GLDN: variants seen among roughly 807,000 people sequenced by gnomAD.
GLDN encodes gliomedin.
GLDN carries 47 observed loss-of-function variants against 56.5 expected under a neutral mutation model. The observed-to-expected ratio is 0.83, with a 90% CI of 0.66 to 1.06. The LOEUF (loss-of-function observed/expected upper bound fraction) is 1.06, where lower values mean the gene tolerates loss of function less well. Among genes scored for constraint, GLDN ranks in the 50% least tolerant of loss-of-function variants. GLDN has a pLI of 0.00. For missense variants in GLDN, 782 were observed against 714.3 expected (o/e 1.09, Z -1.08); for synonymous variants, 332 against 278.8 (o/e 1.19, Z -1.90).
At chr15:51,361,199 C>T (rs2037293849) in intron 1 of GLDN, among the ~76,000 whole-genome samples, 1 of 152,134 alleles carries the variant, frequency 6.6e-6, no homozygotes, top group African/African-American at 2.4e-5. Flanking sequence ...AACACTCATC[C>T]CTTCCTACCC....
intron 1 of GLDN, among the ~76,000 whole-genome samples, chr15:51,349,896 T>C (rs914434844): frequency 2.6e-5 from 4 of 152,066 alleles, no homozygotes; most frequent in Non-Finnish European, 4.4e-5. Context: ...CTTGCCACCA[T>C]GCCCAGCTAA....
At chr15:51,349,997 C>T (rs573271158) in intron 1 of GLDN, among the ~76,000 whole-genome samples, 1 of 152,292 alleles carries the variant, frequency 6.6e-6, no homozygotes, top group East Asian at 1.9e-4. Flanking sequence ...CCCGCCTCAG[C>T]CTCCCAAAGT....
At chr15:51,397,443 T>C in intron 5 of GLDN, 27 bp from the exon 6 acceptor site, 2 of 1,283,830 alleles carry the variant, frequency 1.6e-6, no homozygotes, top group Admixed American at 3.0e-5. Context: ...TGCCTCCTTC[T>C]CTCCCTTTCT....
Position 51,341,729 on chromosome 15 carries a change from C to T in GLDN, c.45C>T (p.Gly15=). The part of the protein sequence containing the change: ...AEGGRGDAGW[G]LRGALAAVAL... Reference sequence around the variant, plus strand: ...GAGGCCGTGGGGACGCGGGTTGGGGCCTGCGTGGCGCCCTGGCGGCCGTGG... The same window carrying T: ...GAGGCCGTGGGGACGCGGGTTGGGGTCTGCGTGGCGCCCTGGCGGCCGTGG... The change falls in exon 1 of 10, where the codon GGC becomes GGT. Residue 15 remains glycine (G), a synonymous_variant. Coordinates refer to ENST00000335449, the MANE Select transcript of GLDN (RefSeq NM_181789.4). The T allele has an allele frequency of 6.9e-7, 1 of 1,452,246 alleles. No individual in the cohort carries two copies. The highest frequency in any genetic ancestry group is 9.0e-7 in the Non-Finnish European group (1 of 1,115,498). 90.0% of individuals were successfully genotyped at this position (1,452,246 alleles called of 1,614,324 possible).
intron 1 of GLDN, among the ~76,000 whole-genome samples, chr15:51,369,659 G>A (rs1017915542): frequency 3.9e-5 from 6 of 152,212 alleles, no homozygotes; most frequent in African/African-American, 1.4e-4. Flanking sequence ...ATTCTGATGA[G>A]AAAGACATGC....
intron 4 of GLDN, among the ~76,000 whole-genome samples, chr15:51,391,329 A>G (rs2038015876): frequency 6.6e-6 from 1 of 152,206 alleles, no homozygotes; most frequent in African/African-American, 2.4e-5. Flanking sequence ...GAAAGAAAAG[A>G]AAGGAAGGGG....
At chr15:51,361,908 G>A (rs2037307906) in intron 1 of GLDN, among the ~76,000 whole-genome samples, 1 of 152,134 alleles carries the variant, frequency 6.6e-6, no homozygotes, top group Admixed American at 6.5e-5. Flanking sequence ...TCCAGCCTGG[G>A]CAACAGAGCA....
chr15:51,341,780 G>A lies in GLDN; in HGVS notation c.96G>A (p.Ala32=). 3 of 1,499,270 alleles carry A rather than the reference G, an allele frequency of 2.0e-6. No individual in the cohort carries two copies. Among genetic ancestry groups the A allele is most frequent in the South Asian group, 1.3e-5 (1 of 79,958 alleles). 92.9% of individuals were successfully genotyped at this position (1,499,270 alleles called of 1,614,324 possible). A position where few individuals can be genotyped will look rare whatever the true frequency, so the allele number is the denominator to read the frequency against. ...AVALLSALNA[A]GTVFALCQWR... ...CGCTGCTCTCGGCGCTCAACGCTGC[G>A]GGCACGGTGTTCGCGCTGTGCCAGT... is the stretch of plus-strand genomic sequence containing the variant. Residue 32 remains alanine (A), a synonymous_variant, in exon 1 of 10, where the codon GCG becomes GCA. Coordinates refer to ENST00000335449, the MANE Select transcript of GLDN (RefSeq NM_181789.4).
chr15:51,366,844 C>T (rs114742202), intron 1 of GLDN, among the ~76,000 whole-genome samples: 2,184 of 151,896 alleles, frequency 0.014, 49 homozygotes, highest in African/African-American at 0.05. Flanking sequence ...GCTGCCACTG[C>T]ACTCCAGCCT....
intron 1 of GLDN, among the ~76,000 whole-genome samples, chr15:51,364,757 T>C (rs1401942965): frequency 6.6e-6 from 1 of 152,240 alleles, no homozygotes; most frequent in Non-Finnish European, 1.5e-5. Flanking sequence ...TTGATTTTTC[T>C]CCCTCATTAT....
chr15:51,397,565 C>A lies in GLDN; in HGVS notation c.784C>A (p.Arg262=), dbSNP rs375789151. The A allele has an allele frequency of 6.2e-7, 1 of 1,602,362 alleles. No individual in the cohort carries two copies. Residue 262 remains arginine (R), a synonymous_variant, in exon 6 of 10, where the codon CGG becomes AGG. Coordinates refer to ENST00000335449, the MANE Select transcript of GLDN (RefSeq NM_181789.4). ...PPGSRRAKGP[R]QPSMFNGQCP... ...TGGAAGCAGAAGAGCCAAAGGCCCTCGGCAGCCAAGCATGTTCAACGGCCA... is the reference window on the plus strand; with the variant it reads ...TGGAAGCAGAAGAGCCAAAGGCCCTAGGCAGCCAAGCATGTTCAACGGCCA...
intron 9 of GLDN, 81 bp downstream of exon 9, chr15:51,401,824 G>A (rs2038259037): frequency 7.6e-7 from 1 of 1,310,954 alleles, no homozygotes; most frequent in Non-Finnish European, 1.1e-6. Flanking sequence ...TAGGGGTAGG[G>A]ACTGTGTTTT....
intron 1 of GLDN, among the ~76,000 whole-genome samples, chr15:51,370,608 C>T (rs2037495832): frequency 6.7e-6 from 1 of 150,086 alleles, no homozygotes; most frequent in South Asian, 2.1e-4. Context: ...TTTCCATTCT[C>T]TCTGGATTAC....
downstream of GLDN, among the ~76,000 whole-genome samples, chr15:51,413,000 A>T (rs1410352678): frequency 6.6e-6 from 1 of 152,124 alleles, no homozygotes; most frequent in Admixed American, 6.5e-5. Context: ...GACCATTTAC[A>T]TTTCATGCAA....
In GLDN at chr15:51,407,909, C is replaced by G. The variant is rs962299582; in HGVS notation, c.*3155C>G. 6.6e-6 allele frequency: 1 copy of G among 152,182 alleles called. No homozygotes were observed. The highest frequency in any genetic ancestry group is 1.5e-5 in the Non-Finnish European group (1 of 68,028). 9.4% of individuals were successfully genotyped at this position (152,182 alleles called of 1,614,324 possible). On this transcript the variant is annotated 3_prime_UTR_variant, in exon 10 of 10. Coordinates refer to ENST00000335449, the MANE Select transcript of GLDN (RefSeq NM_181789.4). ...AGCATTAAGAGCCATAATTTCCAACCTGCACAGATCCTGAACAACAAATGA... is the reference window on the plus strand; with the variant it reads ...AGCATTAAGAGCCATAATTTCCAACGTGCACAGATCCTGAACAACAAATGA...
intron 1 of GLDN, among the ~76,000 whole-genome samples, chr15:51,372,846 A>G (rs915275864): frequency 6.6e-6 from 1 of 152,166 alleles, no homozygotes; most frequent in Non-Finnish European, 1.5e-5. Flanking sequence ...ATTTATAATG[A>G]GCAGAAATTT....
At position 51,362,309 on chromosome 15, in the gene GLDN, ACTCCGT is replaced by A. The variant is rs531108576; in HGVS notation, c.364-15136_364-15131del. On this transcript the variant is annotated intron_variant, in intron 1 of 9. Transcript: ENST00000335449. ...AGACCAGACTGACCAACTTGGAGAA[ACTCCGT>A]CTCTACCAAATATATACAAATTAGC... Among the ~76,000 whole-genome samples, 291 of 151,858 alleles carry A rather than the reference ACTCCGT, an allele frequency of 1.9e-3. 1 individual carries two copies. The highest frequency in any genetic ancestry group is 6.6e-3 in the African/African-American group (275 of 41,428).
intron 1 of GLDN, among the ~76,000 whole-genome samples, chr15:51,371,525 T>C (rs935778460): frequency 6.6e-6 from 1 of 152,214 alleles, no homozygotes; most frequent in Non-Finnish European, 1.5e-5. Flanking sequence ...AGAGTTCTGC[T>C]AATCCAATGA....
At chr15:51,412,703 C>A (rs1471561087), downstream of GLDN, among the ~76,000 whole-genome samples, 1 of 151,822 alleles carries the variant, frequency 6.6e-6, no homozygotes, top group Non-Finnish European at 1.5e-5. Context: ...TCTTTTTTTA[C>A]CTAACAACTT....
Sources: allele counts gnomAD v4.1 joint callset (sites outside exome capture counted in the v4.1 genomes callset), GRCh38; gene constraint gnomAD v4.1.1; transcripts MANE v1.5; gene names NCBI Gene and HGNC (gene_info 2026-07-23, HGNC 2026-07-21).